Variants in ADCY1 observed in about 807,000 individuals in gnomAD.
ADCY1 encodes the protein adenylate cyclase 1, also known as adenylate cyclase type 1.
A neutral mutation model predicts 105.4 loss-of-function variants in ADCY1; 28 were observed. The ratio of observed to expected loss-of-function variants is 0.27; its 90% CI spans 0.20 to 0.36. The LOEUF is 0.36. Ranked by LOEUF, ADCY1 falls within the 10% of genes least tolerant of loss-of-function variation. The pLI is 1.00. For missense variants in ADCY1, 977 were observed against 1,434.2 expected (o/e 0.68, Z 5.15); for synonymous variants, 655 against 623.8 (o/e 1.05, Z -0.75).
At chr7:45,646,846 T>C (rs956830630) in intron 4 of ADCY1, among the ~76,000 whole-genome samples, 2 of 152,202 alleles carry the variant, frequency 1.3e-5, no homozygotes, top group Non-Finnish European at 2.9e-5. Flanking sequence ...CTGGATGTCT[T>C]TGTACTGTCA....
intron 3 of ADCY1, among the ~76,000 whole-genome samples, chr7:45,616,382 A>T (rs1793737900): frequency 6.6e-6 from 1 of 152,212 alleles, no homozygotes; most frequent in Non-Finnish European, 1.5e-5. Flanking sequence ...AATTATGGGC[A>T]AATATCCCTG....
At chr7:45,590,086 T>G (rs528248007) in intron 1 of ADCY1, among the ~76,000 whole-genome samples, 30 of 152,098 alleles carry the variant, frequency 2.0e-4, no homozygotes, top group South Asian at 1.7e-3. Flanking sequence ...CTCCATATAG[T>G]GCAGAGATGA....
At chr7:45,625,497 A>G (rs1205753668) in intron 4 of ADCY1, among the ~76,000 whole-genome samples, 4 of 152,094 alleles carry the variant, frequency 2.6e-5, no homozygotes, top group Non-Finnish European at 4.4e-5. Flanking sequence ...ACGTGTGTAC[A>G]CATGAATGTG....
chr7:45,684,689 A>G, intron 11 of ADCY1: 1 of 253,238 alleles, frequency 3.9e-6, no homozygotes, highest in East Asian at 7.7e-5. Context: ...AAGTTAATCT[A>G]TCCAGTTAAC....
At chr7:45,655,114 G>T (rs1187948228) in intron 5 of ADCY1, among the ~76,000 whole-genome samples, 1 of 152,174 alleles carries the variant, frequency 6.6e-6, no homozygotes, top group African/African-American at 2.4e-5. Flanking sequence ...TGAAATAATG[G>T]CTGACACTCA....
At chr7:45,634,019 T>G (rs1394805304) in intron 4 of ADCY1, among the ~76,000 whole-genome samples, 5 of 152,132 alleles carry the variant, frequency 3.3e-5, no homozygotes, top group Non-Finnish European at 5.9e-5. Context: ...TTCAACTGTG[T>G]GGGGGGTTGT....
chr7:45,641,514 A>G (rs145802815), intron 4 of ADCY1, among the ~76,000 whole-genome samples: 55 of 152,200 alleles, frequency 3.6e-4, no homozygotes, highest in South Asian at 1.9e-3. Context: ...CTTTAACTCT[A>G]TCATCTGAGA....
At position 45,575,007 on chromosome 7, in the gene ADCY1, G is replaced by A; in HGVS notation, c.464G>A (p.Gly155Glu). 6.2e-7 allele frequency: 1 copy of A among 1,611,494 alleles called. No individual in the cohort carries two copies. Among genetic ancestry groups the A allele is most frequent in the Non-Finnish European group, 8.5e-7 (1 of 1,179,284 alleles). Residue 155 changes from glycine (G) to glutamate (E), a missense_variant, in exon 1 of 20, where the codon GGG becomes GAG. Physicochemically the swap from Gly to Glu is moderately conservative, Grantham distance 98. Transcript: ENST00000297323. The surrounding 1 kb of genome is among the most constrained non-coding windows in gnomAD (Gnocchi z 4.7). Reference protein sequence around the residue: ...PARGSAGAAGGPATAEQGVWQ... With the variant: ...PARGSAGAAGEPATAEQGVWQ... ...CGGGGTTCCGCCGGGGCCGCTGGGG[G>A]GCCAGCGACCGCCGAACAAGGGGTT...
rs537357782 is a variant in ADCY1 at position 45,576,230 on chromosome 7, T to A, written c.639+1048T>A. On this transcript the variant is annotated intron_variant, in intron 1 of 19. Coordinates refer to ENST00000297323, the MANE Select transcript of ADCY1 (RefSeq NM_021116.4). ...GAGGGGAAGCTGAATCCAGAGAGATTAGGGAAGAATAACTGGGGGGCGGTG... is the reference window on the plus strand; with the variant it reads ...GAGGGGAAGCTGAATCCAGAGAGATAAGGGAAGAATAACTGGGGGGCGGTG... Among the ~76,000 whole-genome samples the A allele has an allele frequency of 4.5e-4, 68 of 151,612 alleles. 1 individual carries two copies. Among genetic ancestry groups the A allele is most frequent in the African/African-American group, 1.6e-3 (68 of 41,308 alleles).
chr7:45,711,798 TA>T, intron 19 of ADCY1, among the ~76,000 whole-genome samples: 1 of 119,790 alleles, frequency 8.3e-6, no homozygotes, highest in African/African-American at 3.0e-5. Flanking sequence ...TAAATATATA[TA>T]CTTATACTTT....
At chr7:45,622,984 G>A (rs551236461) in intron 4 of ADCY1, among the ~76,000 whole-genome samples, 3 of 152,314 alleles carry the variant, frequency 2.0e-5, no homozygotes, top group Non-Finnish European at 2.9e-5. Context: ...GCATGCTGTC[G>A]AATCGGGGCT....
intron 4 of ADCY1, among the ~76,000 whole-genome samples, chr7:45,630,160 G>T (rs1794198234): frequency 6.6e-6 from 1 of 152,066 alleles, no homozygotes; most frequent in Non-Finnish European, 1.5e-5. Flanking sequence ...TTCTTTGTAT[G>T]TTCTACATAT....
Position 45,716,668 on chromosome 7 carries a change from G to C in ADCY1, c.*2673G>C, listed in dbSNP as rs1785364022. 6.5e-6 allele frequency: 1 copy of C among 153,060 alleles called. No homozygotes were observed. The highest frequency in any genetic ancestry group is 2.4e-5 in the African/African-American group (1 of 41,470). The allele number at this position is 153,060 out of a possible 1,614,324, so 9.5% of individuals were successfully genotyped here. ...CCAGGTGGTGGGTAGACAGAGGAGT[G>C]AACCCCAAAGGTGTCCATGCCCCAG... is the stretch of plus-strand genomic sequence containing the variant. On this transcript the variant is annotated 3_prime_UTR_variant, in exon 20 of 20. Coordinates refer to ENST00000297323, the MANE Select transcript of ADCY1 (RefSeq NM_021116.4).
chr7:45,592,142 A>G (rs1792936522), intron 1 of ADCY1, among the ~76,000 whole-genome samples: 1 of 150,648 alleles, frequency 6.6e-6, no homozygotes, highest in South Asian at 2.1e-4. Flanking sequence ...ACACATATGT[A>G]TTCTCCAGGG....
At chr7:45,657,923 G>A (rs1241085597) in intron 6 of ADCY1, 38 bp downstream of exon 6, 6 of 1,499,376 alleles carry the variant, frequency 4.0e-6, no homozygotes, top group South Asian at 1.2e-5. Context: ...AGGGAGGTGG[G>A]TGATGGCTGT....
intron 4 of ADCY1, among the ~76,000 whole-genome samples, chr7:45,641,987 A>G (rs905892355): frequency 1.3e-5 from 2 of 151,388 alleles, no homozygotes; most frequent in African/African-American, 4.9e-5. Context: ...CCAGGATACA[A>G]ATGAGATGGA....
At chr7:45,699,788 A>G (rs1042627803) in intron 14 of ADCY1, among the ~76,000 whole-genome samples, 2 of 152,172 alleles carry the variant, frequency 1.3e-5, no homozygotes, top group African/African-American at 2.4e-5. Flanking sequence ...TGAGGGTGCC[A>G]GTAGTGTTCC....
chr7:45,598,911 T>G (rs1489455188), intron 2 of ADCY1, among the ~76,000 whole-genome samples: 1 of 152,206 alleles, frequency 6.6e-6, no homozygotes, highest in Non-Finnish European at 1.5e-5. Context: ...AGGAAAAGCC[T>G]CTTTCTCAGT....
chr7:45,659,512 TG>T (rs1411013848), intron 6 of ADCY1, among the ~76,000 whole-genome samples: 1 of 152,124 alleles, frequency 6.6e-6, no homozygotes, highest in Non-Finnish European at 1.5e-5. Flanking sequence ...ACCAGAAGAT[TG>T]GGTTGGGGAG....
Sources: gnomAD v4.1 joint callset for allele counts (sites outside exome capture counted in the v4.1 genomes callset) on GRCh38, gnomAD v4.1.1 for gene constraint, Gnocchi (gnomAD v3.1) non-coding constraint, MANE v1.5 for transcripts, NCBI Gene and HGNC (gene_info 2026-07-23, HGNC 2026-07-21) for gene names.